The following GSAP variants were observed in gnomAD, a reference collection of about 807,000 sequenced individuals.
GSAP encodes gamma-secretase-activating protein.
GSAP carries 118 observed loss-of-function variants against 131.7 expected under a neutral mutation model. The ratio of observed to expected loss-of-function variants is 0.90; its 90% confidence interval spans 0.77 to 1.04. The LOEUF is 1.04. Ranked by LOEUF, GSAP falls within the 50% of genes least tolerant of loss-of-function variation. The probability of loss-of-function intolerance (pLI) is 0.00; values close to 1 mark genes in which losing one functional copy is unlikely to be tolerated. For missense variants in GSAP, 1,019 were observed against 1,013.2 expected (o/e 1.01, Z -0.08); for synonymous variants, 381 against 363.4 (o/e 1.05, Z -0.55).
intron 22 of GSAP, chr7:77,328,335 C>G: frequency 8.2e-7 from 1 of 1,212,392 alleles, no homozygotes. Flanking sequence ...GAGGGCAGCT[C>G]TGTATGACAG....
At chr7:77,353,361 T>A (rs1793179027) in intron 17 of GSAP, among the ~76,000 whole-genome samples, 2 of 151,906 alleles carry the variant, frequency 1.3e-5, no homozygotes, top group South Asian at 4.2e-4. Context: ...ATCTTGTATC[T>A]CATCAATCTC....
In GSAP at chr7:77,387,407, T is replaced by C. The variant is rs780321691; in HGVS notation, c.409A>G (p.Asn137Asp). 3 of 1,606,232 alleles carry C rather than the reference T, an allele frequency of 1.9e-6. No individual in the cohort carries two copies. In the South Asian group the frequency reaches 3.3e-5, roughly 18 times the overall value. The part of the protein sequence containing the change: ...LTLLVEIHPV[N>D]NVKVLKAVDS... ...ACAGCCTTTAGAACCTTCACATTGTTAACAGGGTGGATTTCAACCAACAAA... is the reference window on the plus strand; with the variant it reads ...ACAGCCTTTAGAACCTTCACATTGTCAACAGGGTGGATTTCAACCAACAAA... Residue 137 changes from asparagine to aspartate, a missense_variant, in exon 6 of 31, where the codon AAC becomes GAC. Asn to Asp is a conservative substitution (Grantham distance 23). Coordinates refer to ENST00000257626, the MANE Select transcript of GSAP (RefSeq NM_017439.4).
intron 3 of GSAP, among the ~76,000 whole-genome samples, chr7:77,399,312 T>G (rs941375667): frequency 6.6e-6 from 1 of 152,130 alleles, no homozygotes; most frequent in East Asian, 1.9e-4. Context: ...GAGCTGGAAA[T>G]ATACATTCTC....
chr7:77,380,683 A>G (rs899210260), intron 8 of GSAP, among the ~76,000 whole-genome samples: 1 of 152,074 alleles, frequency 6.6e-6, no homozygotes, highest in African/African-American at 2.4e-5. Context: ...AGTATGATAC[A>G]TACCAGGTTG....
intron 19 of GSAP, among the ~76,000 whole-genome samples, chr7:77,333,837 G>A (rs147954026): frequency 3.9e-5 from 6 of 152,218 alleles, no homozygotes; most frequent in Non-Finnish European, 5.9e-5. Flanking sequence ...GAGGGGAAGG[G>A]AGAGTTGAAT....
rs1421816130 is a variant in GSAP at position 77,321,276 on chromosome 7, AAC to A, written c.1994+55_1994+56del. The A allele has an allele frequency of 3.7e-6, 4 of 1,085,384 alleles. No homozygotes were observed. The African/African-American group carries it at 4.6e-5, about 13-fold the overall frequency. The allele number at this position is 1,085,384 out of a possible 1,614,324, so 67.2% of individuals were successfully genotyped here. A position where few individuals can be genotyped will look rare whatever the true frequency, so the allele number is the denominator to read the frequency against. ...GTGCATTTCAAAAGGGTTTTGCTAC[AAC>A]AGAGTTGTTTCCACTCTTTGTACAC... is the stretch of plus-strand genomic sequence containing the variant. On this transcript the variant is annotated intron_variant, in intron 25 of 30. Coordinates refer to ENST00000257626, the MANE Select transcript of GSAP (RefSeq NM_017439.4).
intron 23 of GSAP, 65 bp downstream of exon 23, chr7:77,326,147 A>G: frequency 9.8e-7 from 1 of 1,017,766 alleles, no homozygotes; most frequent in Non-Finnish European, 1.5e-6. Flanking sequence ...AGCCCACTGT[A>G]ATCCTTTCCC....
intron 12 of GSAP, among the ~76,000 whole-genome samples, chr7:77,372,384 ATT>A (rs1796257486): frequency 6.6e-6 from 1 of 152,234 alleles, no homozygotes; most frequent in Non-Finnish European, 1.5e-5. Context: ...ATACATATTT[ATT>A]TATATATACA....
intron 17 of GSAP, 28 bp from the exon 18 acceptor site, chr7:77,353,054 G>GA (rs144288006): frequency 3.3e-6 from 4 of 1,226,676 alleles, no homozygotes; most frequent in Admixed American, 3.5e-5. Context: ...GAAACAGGGG[G>GA]AAAAAAGATG....
intron 13 of GSAP, among the ~76,000 whole-genome samples, chr7:77,362,216 G>A (rs976905960): frequency 1.3e-5 from 2 of 152,166 alleles, no homozygotes; most frequent in Non-Finnish European, 2.9e-5. Context: ...GCCGGGCATG[G>A]TGGCTCATGC....
chr7:77,401,580 TA>T (rs1383773229), intron 3 of GSAP, among the ~76,000 whole-genome samples: 3 of 151,504 alleles, frequency 2.0e-5, no homozygotes, highest in Admixed American at 1.3e-4. Flanking sequence ...ATAGCTACCC[TA>T]AAAAAAATGG....
In GSAP at chr7:77,332,485, C is replaced by T. The variant is rs1168060103; in HGVS notation, c.1546-2118G>A. ...AAGAAACAGATCAAACAGAGCTCGC[C>T]ACATGTCAGTGGACAGGCTTTCCAG... is the stretch of plus-strand genomic sequence containing the variant. On this transcript the variant is annotated intron_variant, in intron 19 of 30. Transcript: ENST00000257626. 5.9e-5 allele frequency among the ~76,000 whole-genome samples: 9 copies of T among 152,238 alleles called. No individual in the cohort carries two copies. The East Asian group carries it at 1.7e-3, about 29-fold the overall frequency.
intron 23 of GSAP, among the ~76,000 whole-genome samples, chr7:77,325,062 C>T (rs376103191): frequency 1.3e-5 from 2 of 152,214 alleles, no homozygotes; most frequent in East Asian, 3.9e-4. Flanking sequence ...GTGATCCACC[C>T]ACCTCGGCCT....
intron 6 of GSAP, among the ~76,000 whole-genome samples, chr7:77,384,908 G>A (rs1041071733): frequency 6.6e-6 from 1 of 152,190 alleles, no homozygotes; most frequent in Non-Finnish European, 1.5e-5. Context: ...CAGAGGCAGA[G>A]ACATGGGGGC....
Position 77,312,217 on chromosome 7 carries a change from G to T in GSAP, c.2272-15C>A. The T allele has an allele frequency of 7.4e-7, 1 of 1,357,572 alleles. No homozygotes were observed. Among genetic ancestry groups the T allele is most frequent in the Non-Finnish European group, 1.0e-6 (1 of 987,234 alleles). The allele number at this position is 1,357,572 out of a possible 1,614,324, so 84.1% of individuals were successfully genotyped here. A position where few individuals can be genotyped will look rare whatever the true frequency, so the allele number is the denominator to read the frequency against. On this transcript the variant is annotated splice_polypyrimidine_tract_variant and intron_variant, in intron 28 of 30. Transcript: ENST00000257626. ...TGCCCAATAAGCTATTATGCAAATT[G>T]AAAAAAATGTAGCGAATACCACACA...
intron 12 of GSAP, among the ~76,000 whole-genome samples, chr7:77,372,096 CTG>C (rs1203650456): frequency 6.6e-6 from 1 of 152,236 alleles, no homozygotes; most frequent in Non-Finnish European, 1.5e-5. Flanking sequence ...TTATGTCTAA[CTG>C]TGCCTTTACT....
chr7:77,323,546 A>G, intron 24 of GSAP, 101 bp downstream of exon 24: 1 of 568,916 alleles, frequency 1.8e-6, no homozygotes, highest in Non-Finnish European at 3.2e-6. Context: ...CCAAAAATCT[A>G]ATTTGAAAAA....
intron 2 of GSAP, 115 bp downstream of exon 2, chr7:77,405,914 G>A: frequency 2.7e-6 from 1 of 372,280 alleles, no homozygotes; most frequent in Non-Finnish European, 4.5e-6. Context: ...ATGCCAACAA[G>A]TTTATTCATT....
chr7:77,319,862 C>T (rs138726988), intron 26 of GSAP, among the ~76,000 whole-genome samples: 98 of 152,286 alleles, frequency 6.4e-4, no homozygotes, highest in African/African-American at 2.3e-3. Context: ...TAGAACAGTG[C>T]TTGCCAGGAA....
Sources: gnomAD v4.1 joint callset for allele counts (sites outside exome capture counted in the v4.1 genomes callset) on GRCh38, gnomAD v4.1.1 for gene constraint, MANE v1.5 for transcripts, NCBI Gene and HGNC (gene_info 2026-07-23, HGNC 2026-07-21) for gene names.